CFDP1: variants seen among roughly 807,000 people sequenced by gnomAD.
CFDP1 encodes the protein chromatin remodeling protein CFDP1, also known as heterochromatin-stabilizing protein CFDP1.
A neutral mutation model predicts 40.1 loss-of-function variants in CFDP1; 31 were observed. The observed-to-expected ratio is 0.77, with a 90% CI of 0.58 to 1.04. CFDP1 has a LOEUF of 1.04. Among genes scored for constraint, CFDP1 ranks in the 50% least tolerant of loss-of-function variants. The probability of loss-of-function intolerance (pLI) is 0.00; values close to 1 mark genes in which losing one functional copy is unlikely to be tolerated. For synonymous variants in CFDP1, 167 were observed against 120.0 expected (o/e 1.39, Z -2.56); for missense variants, 423 against 343.4 (o/e 1.23, Z -1.83).
chr16:75,353,904 T>C (rs532570055), intron 5 of CFDP1, among the ~76,000 whole-genome samples: 2 of 152,298 alleles, frequency 1.3e-5, no homozygotes, highest in East Asian at 3.9e-4. Flanking sequence ...CTTTTTGTTA[T>C]TTTACTGAAT....
chr16:75,303,404 T>A (rs200798105), intron 6 of CFDP1, among the ~76,000 whole-genome samples: 45 of 41,506 alleles, frequency 1.1e-3, no homozygotes, highest in South Asian at 2.8e-3. Context: ...TAAATAAATG[T>A]ATGTATGTAT....
intron 1 of CFDP1, among the ~76,000 whole-genome samples, chr16:75,430,108 G>C (rs771131155): frequency 2.0e-5 from 3 of 152,188 alleles, no homozygotes; most frequent in Non-Finnish European, 4.4e-5. Context: ...GGTTGAGTTT[G>C]CCTAAACAGA....
At chr16:75,380,672 C>A (rs2078845242) in intron 5 of CFDP1, among the ~76,000 whole-genome samples, 1 of 152,100 alleles carries the variant, frequency 6.6e-6, no homozygotes, top group South Asian at 2.1e-4. Context: ...GAACCCTGGG[C>A]CTGCAACCCA....
chr16:75,361,664 G>A (rs1019027597), intron 5 of CFDP1, among the ~76,000 whole-genome samples: 1 of 151,854 alleles, frequency 6.6e-6, no homozygotes, highest in African/African-American at 2.4e-5. Context: ...CTTAGGAAGG[G>A]ATAAACATGT....
At chr16:75,416,956 C>T (rs2079213708) in intron 1 of CFDP1, among the ~76,000 whole-genome samples, 1 of 152,052 alleles carries the variant, frequency 6.6e-6, no homozygotes, top group East Asian at 1.9e-4. Context: ...GCAATCTGAA[C>T]ATAGAAATGT....
intron 5 of CFDP1, among the ~76,000 whole-genome samples, chr16:75,366,915 G>A (rs535750935): frequency 6.6e-6 from 1 of 152,204 alleles, no homozygotes; most frequent in African/African-American, 2.4e-5. Context: ...TGTAATCCTA[G>A]CACTTTGGGA....
intron 5 of CFDP1, among the ~76,000 whole-genome samples, chr16:75,349,668 A>ATATAT (rs1567653447): frequency 6.5e-4 from 6 of 9,164 alleles, no homozygotes; most frequent in Non-Finnish European, 7.7e-4. Flanking sequence ...AAAAAAAAAA[A>ATATAT]AAAAAAAAAA....
chr16:75,415,589 T>A (rs1223974885), intron 1 of CFDP1, among the ~76,000 whole-genome samples: 1 of 152,192 alleles, frequency 6.6e-6, no homozygotes, highest in Non-Finnish European at 1.5e-5. Context: ...TAGTTTTGCC[T>A]GCTTTTCAAC....
chr16:75,421,140 A>T (rs554564467), intron 1 of CFDP1, among the ~76,000 whole-genome samples: 54 of 152,288 alleles, frequency 3.5e-4, no homozygotes, highest in Non-Finnish European at 6.9e-4. Flanking sequence ...TGCTGTTTGC[A>T]GCGGGGAGGA....
chr16:75,294,966 C>T (rs1045604023), intron 6 of CFDP1, among the ~76,000 whole-genome samples: 1 of 152,178 alleles, frequency 6.6e-6, no homozygotes, highest in African/African-American at 2.4e-5. Flanking sequence ...CACCATAAAG[C>T]GTGCTGCGAT....
intron 5 of CFDP1, among the ~76,000 whole-genome samples, chr16:75,368,371 T>G (rs747534301): frequency 2.2e-4 from 34 of 152,130 alleles, no homozygotes; most frequent in Non-Finnish European, 4.1e-4. Context: ...AGTGGAGGTT[T>G]TGGTGGTGGA....
intron 4 of CFDP1, among the ~76,000 whole-genome samples, chr16:75,397,991 T>G (rs1207516243): frequency 6.6e-6 from 1 of 152,138 alleles, no homozygotes; most frequent in Non-Finnish European, 1.5e-5. Flanking sequence ...CCTTGAGTCA[T>G]AAGGAGAATA....
chr16:75,327,061 G>C (rs897404202), intron 5 of CFDP1, among the ~76,000 whole-genome samples: 22 of 152,174 alleles, frequency 1.4e-4, no homozygotes, highest in African/African-American at 5.3e-4. Flanking sequence ...ATGAGGTCAG[G>C]AGATCGAGAC....
At chr16:75,378,307 G>C (rs1244798957) in intron 5 of CFDP1, among the ~76,000 whole-genome samples, 4 of 151,798 alleles carry the variant, frequency 2.6e-5, no homozygotes, top group Non-Finnish European at 4.4e-5. Context: ...ACTATGGCAT[G>C]ATTAAGCTGA....
chr16:75,411,368 G>A (rs372748336), intron 4 of CFDP1, among the ~76,000 whole-genome samples: 2 of 152,234 alleles, frequency 1.3e-5, no homozygotes, highest in South Asian at 2.1e-4. Context: ...CCGAGATCAC[G>A]CCACTGCATT....
intron 5 of CFDP1, among the ~76,000 whole-genome samples, chr16:75,334,060 A>G (rs1358371516): frequency 1.3e-5 from 2 of 152,100 alleles, no homozygotes; most frequent in Non-Finnish European, 2.9e-5. Context: ...AGCATTATTA[A>G]TCATGAATGT....
chr16:75,420,861 G>A (rs574112292), intron 1 of CFDP1, among the ~76,000 whole-genome samples: 1 of 152,100 alleles, frequency 6.6e-6, no homozygotes, highest in Non-Finnish European at 1.5e-5. Context: ...ATTTTTAAGT[G>A]ATTTTTAATT....
chr16:75,429,238 T>C (rs1293222250), intron 1 of CFDP1, among the ~76,000 whole-genome samples: 1 of 152,178 alleles, frequency 6.6e-6, no homozygotes, highest in African/African-American at 2.4e-5. Context: ...AACATGGGAA[T>C]CTAGAAAGTA....
intron 4 of CFDP1, among the ~76,000 whole-genome samples, chr16:75,397,627 C>T (rs2079007969): frequency 6.6e-6 from 1 of 151,864 alleles, no homozygotes; most frequent in Non-Finnish European, 1.5e-5. Flanking sequence ...ATGGTGAAAC[C>T]CTGTCTCTAC....
Sources: allele counts gnomAD v4.1 joint callset (sites outside exome capture counted in the v4.1 genomes callset), GRCh38; gene constraint gnomAD v4.1.1; transcripts MANE v1.5; gene names NCBI Gene and HGNC (gene_info 2026-07-23, HGNC 2026-07-21).